TYW1B: variants seen among roughly 807,000 people sequenced by gnomAD.
The protein encoded by TYW1B is tRNA-yW synthesizing protein 1 homolog B.
Under a neutral mutation model 86.9 loss-of-function variants are expected in TYW1B, and 73 were observed. The observed-to-expected ratio is 0.84, with a 90% confidence interval of 0.70 to 1.02. The LOEUF (loss-of-function observed/expected upper bound fraction) is 1.02, where lower values mean the gene tolerates loss of function less well. TYW1B is among the 50% of genes least tolerant of loss of function. The pLI, the probability that TYW1B is intolerant of heterozygous loss-of-function variation, is 0.00. For missense variants in TYW1B, 637 were observed against 827.4 expected, an observed-to-expected ratio of 0.77 and a Z score of 2.82; for synonymous variants, 248 against 292.8, an observed-to-expected ratio of 0.85 and a Z score of 1.56.
Position 72,828,023 on chromosome 7 carries a change from G to C in TYW1B, c.4+49C>G, listed in dbSNP as rs537645872. 121 of 1,611,526 alleles carry C rather than the reference G, an allele frequency of 7.5e-5. No individual in the cohort carries two copies. In the African/African-American group the frequency reaches 1.2e-3, roughly 17 times the overall value. ...CGCCCGGAGAGGGTCTCAGTAAAAC[G>C]TTTACCTCCCCTGCCGCCCCAGGGT... On this transcript the variant is annotated intron_variant, in intron 1 of 13. Transcript: ENST00000620995.
chr7:72,770,415 G>A (rs1470806923), intron 7 of TYW1B, among the ~76,000 whole-genome samples: 1 of 113,672 alleles, frequency 8.8e-6, no homozygotes, highest in African/African-American at 3.4e-5. Flanking sequence ...GCAACAGAGT[G>A]AGACTCCGTC....
At chr7:72,819,765 A>C (rs570606953) in intron 2 of TYW1B, among the ~76,000 whole-genome samples, 1 of 152,308 alleles carries the variant, frequency 6.6e-6, no homozygotes, top group South Asian at 2.1e-4. Flanking sequence ...TATTTAATGC[A>C]GAGAACCCCA....
chr7:72,742,338 C>G (rs1262859862), intron 8 of TYW1B, among the ~76,000 whole-genome samples: 1 of 152,130 alleles, frequency 6.6e-6, no homozygotes, highest in Non-Finnish European at 1.5e-5. Context: ...TCATGTTACC[C>G]AGACAGATCT....
chr7:72,650,108 G>A (rs1398817148), intron 11 of TYW1B, among the ~76,000 whole-genome samples: 1 of 150,652 alleles, frequency 6.6e-6, no homozygotes, highest in Middle Eastern at 3.2e-3. Context: ...TAAAGACGGG[G>A]TTTCACCGTG....
chr7:72,706,650 G>A (rs190536158), intron 10 of TYW1B, among the ~76,000 whole-genome samples: 10 of 152,132 alleles, frequency 6.6e-5, no homozygotes, highest in Middle Eastern at 3.4e-3. Context: ...AAAATCAACC[G>A]TGCAATTCCT....
At position 72,648,331 on chromosome 7, in the gene TYW1B, T is replaced by G. The variant is rs367792240; in HGVS notation, c.1507-19334A>C. On this transcript the variant is annotated intron_variant, in intron 11 of 13. Transcript: ENST00000620995. The stretch of plus-strand genomic sequence containing the variant: ...ACTAAGGTGGGCAGATCATCTGAGG[T>G]CAGGAGTTTGAGACCAGCCTGGCCA... 3.3e-5 allele frequency among the ~76,000 whole-genome samples: 5 copies of G among 151,944 alleles called. No homozygotes were observed. In the East Asian group the frequency reaches 7.8e-4, roughly 24 times the overall value.
intron 11 of TYW1B, among the ~76,000 whole-genome samples, chr7:72,669,585 G>A (rs1813545528): frequency 6.6e-6 from 1 of 151,974 alleles, no homozygotes; most frequent in African/African-American, 2.4e-5. Flanking sequence ...GGCCAACATG[G>A]CGAAACCCTG....
At chr7:72,723,244 T>C (rs1210944518) in intron 9 of TYW1B, among the ~76,000 whole-genome samples, 1 of 152,170 alleles carries the variant, frequency 6.6e-6, no homozygotes, top group Non-Finnish European at 1.5e-5. Flanking sequence ...TGGGGTTATT[T>C]GTTAAAAAAA....
At chr7:72,656,953 T>C (rs549825778) in intron 11 of TYW1B, among the ~76,000 whole-genome samples, 4 of 152,238 alleles carry the variant, frequency 2.6e-5, no homozygotes, top group Admixed American at 6.5e-5. Context: ...ACCTCCAACA[T>C]TGGGGATCAC....
intron 11 of TYW1B, among the ~76,000 whole-genome samples, chr7:72,642,636 C>T (rs1488201429): frequency 1.3e-5 from 2 of 152,232 alleles, no homozygotes; most frequent in African/African-American, 4.8e-5. Context: ...GGCGCAGTGG[C>T]TCACGCCTGT....
At position 72,605,802 on chromosome 7, in the gene TYW1B, CA is replaced by C. The variant is rs1811781114; in HGVS notation, c.1785+10869del. Among the ~76,000 whole-genome samples the C allele has an allele frequency of 5.3e-5, 8 of 152,284 alleles. No individual in the cohort carries two copies. The South Asian group carries it at 1.7e-3, about 32-fold the overall frequency. On this transcript the variant is annotated intron_variant, in intron 13 of 13. Transcript: ENST00000620995. ...CAGTAACACTGCAACAGCAGCCATA[CA>C]ACCTTAACTGGACAACACCTTTCAA...
At chr7:72,597,673 A>C (rs1388705734) in intron 13 of TYW1B, among the ~76,000 whole-genome samples, 1 of 152,232 alleles carries the variant, frequency 6.6e-6, no homozygotes, top group African/African-American at 2.4e-5. Flanking sequence ...ATAGGATTAC[A>C]GATTTGAAAT....
At chr7:72,816,148 G>A (rs572185359) in intron 2 of TYW1B, among the ~76,000 whole-genome samples, 2 of 152,258 alleles carry the variant, frequency 1.3e-5, no homozygotes, top group African/African-American at 2.4e-5. Context: ...AGGCCGATGC[G>A]GCTGGATCAC....
At chr7:72,685,362 G>A (rs1186924919) in intron 11 of TYW1B, among the ~76,000 whole-genome samples, 1 of 151,904 alleles carries the variant, frequency 6.6e-6, no homozygotes, top group Non-Finnish European at 1.5e-5. Flanking sequence ...TAGAAACAAA[G>A]AACAAGACCA....
chr7:72,588,825 T>C (rs1554430919), intron 13 of TYW1B, among the ~76,000 whole-genome samples: 1 of 152,100 alleles, frequency 6.6e-6, no homozygotes, highest in Admixed American at 6.6e-5. Context: ...ACTTTTTTTT[T>C]TTTTTGAGAC....
chr7:72,653,467 C>T (rs3132432), intron 11 of TYW1B, among the ~76,000 whole-genome samples: 21,651 of 151,956 alleles, frequency 0.14, 2,321 homozygotes, highest in East Asian at 0.56. Context: ...ATTAGCCAGG[C>T]GTGGTGGCGA....
At chr7:72,598,664 G>C (rs1222063103) in intron 13 of TYW1B, among the ~76,000 whole-genome samples, 1 of 152,176 alleles carries the variant, frequency 6.6e-6, no homozygotes, top group Non-Finnish European at 1.5e-5. Context: ...GTTATTACAA[G>C]TAAGAGTGGG....
intron 10 of TYW1B, among the ~76,000 whole-genome samples, chr7:72,706,402 G>A (rs1814615013): frequency 7.2e-6 from 1 of 137,954 alleles, no homozygotes; most frequent in African/African-American, 2.8e-5. Flanking sequence ...ACTCCAGCCT[G>A]GGCAACAAGA....
intron 7 of TYW1B, among the ~76,000 whole-genome samples, chr7:72,755,703 T>G (rs782244677): frequency 2.0e-5 from 3 of 152,156 alleles, no homozygotes; most frequent in Non-Finnish European, 2.9e-5. Context: ...AGAATATTCC[T>G]GCCCCATAGG....
Sources: gnomAD v4.1 joint callset for allele counts (sites outside exome capture counted in the v4.1 genomes callset) on GRCh38, gnomAD v4.1.1 for gene constraint, MANE v1.5 for transcripts, NCBI Gene and HGNC (gene_info 2026-07-23, HGNC 2026-07-21) for gene names.